The following ZMYM6 variants were observed in gnomAD, a reference collection of about 807,000 sequenced individuals.
ZMYM6 encodes the protein zinc finger MYM-type protein 6.
ZMYM6 carries 90 observed loss-of-function variants against 134.0 expected under a neutral mutation model. The observed-to-expected ratio is 0.67, with a 90% CI of 0.57 to 0.80. The LOEUF (loss-of-function observed/expected upper bound fraction) is 0.80. ZMYM6 is among the 30% of genes least tolerant of loss of function. The pLI, the probability that ZMYM6 is intolerant of heterozygous loss-of-function variation, is 0.00. For synonymous variants in ZMYM6, 481 were observed against 524.1 expected, an observed-to-expected ratio of 0.92 and a Z score of 1.12; for missense variants, 1,362 against 1,533.9, an observed-to-expected ratio of 0.89 and a Z score of 1.87.
chr1:35,018,102 T>C (rs1432302007), intron 4 of ZMYM6: 2 of 152,172 alleles, frequency 1.3e-5, no homozygotes, highest in East Asian at 1.9e-4. Flanking sequence ...CCCAGCACTT[T>C]AGGAGGCTGA....
At chr1:35,013,592 T>C (rs1037079862) in intron 6 of ZMYM6, 54 of 985,308 alleles carry the variant, frequency 5.5e-5, no homozygotes, top group Middle Eastern at 1.0e-3. Context: ...TGAATGTCCA[T>C]ATGTCCATTA....
chr1:35,013,911 C>T (rs61777982), intron 6 of ZMYM6, among the ~76,000 whole-genome samples: 2 of 152,126 alleles, frequency 1.3e-5, no homozygotes, highest in Non-Finnish European at 2.9e-5. Context: ...AGGCTGGTCT[C>T]GAACCCCTGA....
intron 1 of ZMYM6, chr1:35,031,136 C>T (rs1182062692): frequency 6.5e-6 from 1 of 153,432 alleles, no homozygotes; most frequent in Non-Finnish European, 1.4e-5. Context: ...CCGGCCCTGA[C>T]CTATAACTCA....
At chr1:34,990,286 G>A (rs921600773) in intron 15 of ZMYM6, 3 of 274,294 alleles carry the variant, frequency 1.1e-5, no homozygotes, top group African/African-American at 4.4e-5. Flanking sequence ...TGAGACCAGC[G>A]TTGCCAACAC....
At chr1:35,013,912 G>A (rs965369216) in intron 6 of ZMYM6, among the ~76,000 whole-genome samples, 4 of 152,010 alleles carry the variant, frequency 2.6e-5, no homozygotes, top group Non-Finnish European at 5.9e-5. Flanking sequence ...GGCTGGTCTC[G>A]AACCCCTGAC....
At chr1:35,025,722 T>C (rs562305321) in intron 2 of ZMYM6, among the ~76,000 whole-genome samples, 69 of 152,280 alleles carry the variant, frequency 4.5e-4, no homozygotes, top group Non-Finnish European at 7.6e-4. Flanking sequence ...ACAAAGTAAC[T>C]AATACAGTTT....
At chr1:34,991,322 T>C (rs1640669156) in intron 15 of ZMYM6, among the ~76,000 whole-genome samples, 1 of 152,174 alleles carries the variant, frequency 6.6e-6, no homozygotes, top group Non-Finnish European at 1.5e-5. Flanking sequence ...AATATATTGT[T>C]TTAATAGGAA....
intron 2 of ZMYM6, among the ~76,000 whole-genome samples, chr1:35,028,827 T>C (rs1557592121): frequency 6.6e-6 from 1 of 151,934 alleles, no homozygotes; most frequent in African/African-American, 2.4e-5. Context: ...CTCTCCATTC[T>C]GGGTCCCTAT....
Position 34,988,440 on chromosome 1 carries a change from A to G in ZMYM6, c.2642T>C (p.Val881Ala). The change falls in exon 16 of 16, where the codon GTT becomes GCT. Residue 881 changes from valine (V) to alanine (A), a missense_variant. Coordinates refer to ENST00000357182, the MANE Select transcript of ZMYM6 (RefSeq NM_007167.4). ...DKMKTIPLSN[V>A]TIQHRIDELS... ...TTCATCAATCCTGTGTTGAATTGTA[A>G]CATTAGAAAGTGGAATAGTTTTCAT... 1.3e-6 allele frequency: 2 copies of G among 1,551,532 alleles called. No individual in the cohort carries two copies. Among genetic ancestry groups the G allele is most frequent in the Non-Finnish European group, 8.7e-7 (1 of 1,146,920 alleles).
chr1:35,007,189 G>A, intron 11 of ZMYM6, 91 bp from the exon 12 acceptor site: 1 of 1,314,938 alleles, frequency 7.6e-7, no homozygotes, highest in Non-Finnish European at 1.0e-6. Context: ...ACGAAAACAG[G>A]ATATATGAGT....
At chr1:34,998,074 T>C (rs1569751714) in intron 14 of ZMYM6, among the ~76,000 whole-genome samples, 1 of 150,204 alleles carries the variant, frequency 6.7e-6, no homozygotes, top group Non-Finnish European at 1.5e-5. Context: ...AGGTCAGGAG[T>C]TCAAGACCAA....
rs1328079502 is a variant in ZMYM6, at chr1:35,015,039, T to C, written c.552A>G (p.Ile184Met). Residue 184 changes from isoleucine (I) to methionine (M), a missense_variant, in exon 5 of 16, where the codon ATA becomes ATG. This residue lies in a region of ZMYM6 where 503 missense variants were observed against 520.8 expected (regional missense o/e 0.97). Coordinates refer to ENST00000357182, the MANE Select transcript of ZMYM6 (RefSeq NM_007167.4). ...YELKKKPVVT[I>M]YTKSISTKCS... ...ACTTAGTTGAAATGCTTTTGGTATATATGGTAACAACAGGTTTTTTCTTTA... is the reference window on the plus strand; with the variant it reads ...ACTTAGTTGAAATGCTTTTGGTATACATGGTAACAACAGGTTTTTTCTTTA... 1 of 1,613,774 alleles carries C rather than the reference T, an allele frequency of 6.2e-7. No homozygotes were observed. The highest frequency in any genetic ancestry group is 8.5e-7 in the Non-Finnish European group (1 of 1,179,940).
chr1:35,025,487 A>T (rs1440458395), intron 2 of ZMYM6, among the ~76,000 whole-genome samples: 2 of 149,780 alleles, frequency 1.3e-5, no homozygotes, highest in Non-Finnish European at 3.0e-5. Context: ...AAAAAAAAAA[A>T]AGAAAGAAAA....
chr1:35,011,222 T>G (rs1305427024), intron 8 of ZMYM6, among the ~76,000 whole-genome samples, 186 bp from the exon 9 acceptor site: 2 of 152,090 alleles, frequency 1.3e-5, no homozygotes, highest in African/African-American at 4.8e-5. Flanking sequence ...CATTAAAAGG[T>G]CAAGGACTGG....
intron 2 of ZMYM6, among the ~76,000 whole-genome samples, chr1:35,025,107 G>C (rs1329796839): frequency 6.7e-6 from 1 of 150,238 alleles, no homozygotes; most frequent in East Asian, 2.1e-4. Context: ...CTGACCTCAA[G>C]TGAGCCACCT....
In ZMYM6 at chr1:34,992,328, C is replaced by A. The variant is rs745790487; in HGVS notation, c.2052G>T (p.Arg684Ser). The A allele has an allele frequency of 6.2e-7, 1 of 1,614,032 alleles. No homozygotes were observed. The highest frequency in any genetic ancestry group is 1.7e-5 in the Admixed American group (1 of 60,020). ...FPSSQSSQPS[R>S]LLKNKGISCK... is the part of the protein sequence containing the mutation. ...ATGATATGCCTTTGTTCTTTAAAAG[C>A]CTGGAAGGCTGGGAAGATTGGGAAG... The change falls in exon 15 of 16, where the codon AGG (arginine) becomes AGT (serine). Residue 684 changes from arginine to serine, a missense_variant. Around this residue, in one of 3 missense-constraint regions of ZMYM6, gnomAD observed 824 missense variants for 940.9 expected, o/e 0.88. Coordinates refer to ENST00000357182, the MANE Select transcript of ZMYM6 (RefSeq NM_007167.4).
At chr1:35,009,521 T>C (rs1277209134) in intron 10 of ZMYM6, among the ~76,000 whole-genome samples, 2 of 152,184 alleles carry the variant, frequency 1.3e-5, no homozygotes, top group South Asian at 2.1e-4. Context: ...CGCAAATGAG[T>C]GCAAGAACAA....
rs1053986662 is a variant in ZMYM6 at position 34,989,397 on chromosome 1, G to A, written c.2147-462C>T. On this transcript the variant is annotated intron_variant, in intron 15 of 15. Coordinates refer to ENST00000357182, the MANE Select transcript of ZMYM6 (RefSeq NM_007167.4). Reference sequence around the variant, plus strand: ...TACATTAAAAAAAAAAAAAGAAGAAGAAAAAAAATTGGCTGGATGCAATGG... The same window carrying A: ...TACATTAAAAAAAAAAAAAGAAGAAAAAAAAAAATTGGCTGGATGCAATGG... The A allele has an allele frequency of 7.3e-5, 21 of 289,324 alleles. No individual in the cohort carries two copies. The South Asian group carries it at 8.3e-4, about 11-fold the overall frequency. 17.9% of individuals were successfully genotyped at this position (289,324 alleles called of 1,614,324 possible). A position where few individuals can be genotyped will look rare whatever the true frequency, so the allele number is the denominator to read the frequency against.
In ZMYM6 at chr1:35,016,847, A is replaced by T. The variant is rs192407302; in HGVS notation, c.429-1685T>A. On this transcript the variant is annotated intron_variant, in intron 4 of 15. Transcript: ENST00000357182. ...GCAAGACCCGATCTCTATAAAAAAA[A>T]TTTTTTAATTAGCAGGGCATGCTGG... Among the ~76,000 whole-genome samples, 657 of 152,016 alleles carry T rather than the reference A, an allele frequency of 4.3e-3. 3 individuals carry two copies. The highest frequency in any genetic ancestry group is 0.012 in the African/African-American group (488 of 41,434).
Sources: allele counts gnomAD v4.1 joint callset (sites outside exome capture counted in the v4.1 genomes callset), GRCh38; gene constraint gnomAD v4.1.1; regional missense constraint gnomAD v4.1.1; transcripts MANE v1.5; gene names NCBI Gene and HGNC (gene_info 2026-07-23, HGNC 2026-07-21).